The following SUPT3H variants were observed in gnomAD, a reference collection of about 807,000 sequenced individuals.
SUPT3H encodes SPT3 homolog, SAGA and STAGA complex component.
In SUPT3H, 44 loss-of-function variants were observed where a neutral mutation model predicts 44.3. The observed-to-expected ratio is 0.99, with a 90% CI of 0.78 to 1.28. The LOEUF (loss-of-function observed/expected upper bound fraction) is 1.28, where lower values mean the gene tolerates loss of function less well. SUPT3H is among the 50% of genes most tolerant of loss of function. SUPT3H has a pLI of 0.00. For synonymous variants in SUPT3H, 124 were observed against 125.6 expected (o/e 0.99, Z 0.09); for missense variants, 380 against 387.1 (o/e 0.98, Z 0.15).
intron 4 of SUPT3H, among the ~76,000 whole-genome samples, chr6:45,015,261 C>G (rs929164431): frequency 6.6e-6 from 1 of 152,050 alleles, no homozygotes; most frequent in Admixed American, 6.6e-5. Context: ...CTACATGGTG[C>G]GGCCTACTAT....
chr6:45,063,138 A>C (rs2153544135), intron 3 of SUPT3H, among the ~76,000 whole-genome samples: 1 of 145,904 alleles, frequency 6.9e-6, no homozygotes, highest in East Asian at 2.0e-4. Flanking sequence ...TGCCTCCTCA[A>C]GTGGGTCCCT....
intron 1 of SUPT3H, 48 bp downstream of exon 1, chr6:45,377,720 C>G (rs1006531495): frequency 1.3e-5 from 2 of 152,316 alleles, no homozygotes; most frequent in African/African-American, 4.8e-5. Flanking sequence ...GGCTCTCTGA[C>G]GTCTCCCCCG....
chr6:45,336,870 T>C (rs1247731516), intron 2 of SUPT3H, among the ~76,000 whole-genome samples: 1 of 151,644 alleles, frequency 6.6e-6, no homozygotes, highest in Admixed American at 6.6e-5. Context: ...TTAATTTTTT[T>C]GATCCAGAAA....
At chr6:45,088,344 C>G (rs186300519) in intron 3 of SUPT3H, among the ~76,000 whole-genome samples, 1 of 151,950 alleles carries the variant, frequency 6.6e-6, no homozygotes, top group Non-Finnish European at 1.5e-5. Context: ...AATCTTCGAG[C>G]GCTCTTTCTG....
chr6:45,302,557 GC>G (rs2149934356), intron 2 of SUPT3H, among the ~76,000 whole-genome samples: 1 of 68,826 alleles, frequency 1.5e-5, no homozygotes, highest in African/African-American at 5.0e-5. Context: ...ATATATATAT[GC>G]ATGCCACAAT....
In SUPT3H at chr6:44,836,272, G is replaced by A. The variant is rs186778853; in HGVS notation, c.913-6415C>T. Among the ~76,000 whole-genome samples the A allele has an allele frequency of 3.6e-3, 548 of 152,122 alleles. 8 individuals carry two copies. Among genetic ancestry groups the A allele is most frequent in the African/African-American group, 0.012 (512 of 41,488 alleles). ...TTCATTCTAACTCTGATATTTCAGA[G>A]GACCTAAATTAAACCATATGATATA... On this transcript the variant is annotated intron_variant, in intron 10 of 10. Coordinates refer to ENST00000371459, the MANE Select transcript of SUPT3H (RefSeq NM_003599.4).
chr6:44,971,826 G>A (rs1044876847), intron 6 of SUPT3H, among the ~76,000 whole-genome samples: 2 of 152,016 alleles, frequency 1.3e-5, no homozygotes, highest in Non-Finnish European at 2.9e-5. Context: ...AGGCTGGAGT[G>A]CAGTGGTGCA....
intron 5 of SUPT3H, among the ~76,000 whole-genome samples, chr6:45,006,064 T>C (rs540963872): frequency 6.6e-6 from 1 of 152,204 alleles, no homozygotes; most frequent in South Asian, 2.1e-4. Context: ...TTACCCTTTA[T>C]CCTTCTATAA....
At chr6:44,991,606 G>A (rs145675325) in intron 6 of SUPT3H, among the ~76,000 whole-genome samples, 9 of 152,014 alleles carry the variant, frequency 5.9e-5, no homozygotes, top group Admixed American at 3.3e-4. Context: ...TGCAACCTCC[G>A]CCTTGTGGGT....
At chr6:44,893,380 C>A (rs190338923) in intron 10 of SUPT3H, among the ~76,000 whole-genome samples, 73 of 151,544 alleles carry the variant, frequency 4.8e-4, no homozygotes, top group African/African-American at 1.7e-3. Context: ...CTCCCCCCTG[C>A]CCCCACCCCA....
intron 10 of SUPT3H, among the ~76,000 whole-genome samples, chr6:44,917,111 A>G (rs1420253361): frequency 6.6e-6 from 1 of 152,056 alleles, no homozygotes; most frequent in East Asian, 1.9e-4. Flanking sequence ...CCAGGGCTGC[A>G]CCACTGCATT....
intron 11 of SUPT3H, among the ~76,000 whole-genome samples, chr6:44,819,930 A>G (rs993471646): frequency 6.6e-6 from 1 of 152,242 alleles, no homozygotes; most frequent in South Asian, 2.1e-4. Flanking sequence ...TGAAACAGAT[A>G]TATCAAAATA....
At chr6:45,076,157 A>T (rs2153555535) in intron 3 of SUPT3H, among the ~76,000 whole-genome samples, 1 of 152,298 alleles carries the variant, frequency 6.6e-6, no homozygotes, top group South Asian at 2.1e-4. Context: ...AAGGTGTATA[A>T]CCATACACAC....
chr6:45,157,775 C>A (rs1808088681), intron 2 of SUPT3H, among the ~76,000 whole-genome samples: 1 of 151,550 alleles, frequency 6.6e-6, no homozygotes. Flanking sequence ...TCTCAAACTC[C>A]TGACCTCGTG....
At chr6:45,229,474 T>A (rs185624250) in intron 2 of SUPT3H, among the ~76,000 whole-genome samples, 4 of 152,262 alleles carry the variant, frequency 2.6e-5, no homozygotes, top group Admixed American at 2.6e-4. Flanking sequence ...AATAACAATA[T>A]CTGGCATGAA....
intron 3 of SUPT3H, among the ~76,000 whole-genome samples, chr6:45,040,302 G>A (rs962982929): frequency 1.3e-5 from 2 of 152,024 alleles, no homozygotes; most frequent in African/African-American, 4.8e-5. Context: ...TGTAGTGTGG[G>A]GAAAATATGA....
rs1767982742 is a variant in SUPT3H, at chr6:44,828,190, AGTT to A, written c.*1623_*1625del. ...AATAAATGCTATCGTTTAAAAGTTA[AGTT>A]AAGTTAGGATGTTTACTGCAAGCTT... On this transcript the variant is annotated 3_prime_UTR_variant, in exon 11 of 11. Coordinates refer to ENST00000371459, the MANE Select transcript of SUPT3H (RefSeq NM_003599.4). Among the ~76,000 whole-genome samples, 1 of 152,062 alleles carries A rather than the reference AGTT, an allele frequency of 6.6e-6. No homozygotes were observed. Among genetic ancestry groups the A allele is most frequent in the African/African-American group, 2.4e-5 (1 of 41,428 alleles).
At chr6:44,887,877 C>A (rs1264191623) in intron 10 of SUPT3H, among the ~76,000 whole-genome samples, 1 of 151,620 alleles carries the variant, frequency 6.6e-6, no homozygotes, top group Non-Finnish European at 1.5e-5. Context: ...GCTAGCAAGA[C>A]TAATAAAGAA....
At chr6:45,343,316 C>T (rs1231081381) in intron 2 of SUPT3H, among the ~76,000 whole-genome samples, 1 of 152,114 alleles carries the variant, frequency 6.6e-6, no homozygotes, top group Non-Finnish European at 1.5e-5. Context: ...TCCTGGCCAA[C>T]ATGGTGAAAC....
Sources: allele counts gnomAD v4.1 joint callset (sites outside exome capture counted in the v4.1 genomes callset), GRCh38; gene constraint gnomAD v4.1.1; transcripts MANE v1.5; gene names NCBI Gene and HGNC (gene_info 2026-07-23, HGNC 2026-07-21).